Variants in ST3GAL1 observed in about 807,000 individuals in gnomAD.
ST3GAL1 encodes the protein CMP-N-acetylneuraminate-beta-galactosamide-alpha-2,3-sialyltransferase 1.
ST3GAL1 carries 16 observed loss-of-function variants against 34.1 expected under a neutral mutation model. The observed-to-expected ratio is 0.47, with a 90% confidence interval of 0.32 to 0.71. ST3GAL1 has a LOEUF of 0.71. Among genes scored for constraint, ST3GAL1 ranks in the 30% least tolerant of loss-of-function variants. The pLI is 0.04. For synonymous variants in ST3GAL1, 191 were observed against 184.7 expected (o/e 1.03, Z -0.28); for missense variants, 353 against 447.4 (o/e 0.79, Z 1.90).
chr8:133,538,386 G>A (rs563480817), intron 2 of ST3GAL1, among the ~76,000 whole-genome samples: 1 of 152,254 alleles, frequency 6.6e-6, no homozygotes, highest in South Asian at 2.1e-4. Flanking sequence ...GTGGTGGTGG[G>A]AGCCTGTAAT....
intron 2 of ST3GAL1, among the ~76,000 whole-genome samples, chr8:133,510,494 T>G (rs540871363): frequency 6.6e-6 from 1 of 152,198 alleles, no homozygotes; most frequent in Admixed American, 6.5e-5. Flanking sequence ...CGGGCAATTC[T>G]AAACCTGTGC....
At position 133,517,838 on chromosome 8, in the gene ST3GAL1, C is replaced by T. The variant is rs570921100; in HGVS notation, c.-428-18649G>A. ...CAACAAAACTTTGAATTAGGTGCAA[C>T]AATAATCAGAAAGTTTTACATAAAA... is the stretch of plus-strand genomic sequence containing the variant. On this transcript the variant is annotated intron_variant, in intron 2 of 9. Coordinates refer to ENST00000522652, the MANE Select transcript of ST3GAL1 (RefSeq NM_173344.3). Among the ~76,000 whole-genome samples the T allele has an allele frequency of 2.1e-4, 32 of 152,294 alleles. No homozygotes were observed. In the South Asian group the frequency reaches 5.4e-3, roughly 26 times the overall value.
At chr8:133,491,924 GC>G (rs1310327258) in intron 3 of ST3GAL1, among the ~76,000 whole-genome samples, 13 of 152,268 alleles carry the variant, frequency 8.5e-5, no homozygotes, top group African/African-American at 3.1e-4. Flanking sequence ...ATCAGAAAGG[GC>G]CCAGCAGTCA....
In ST3GAL1 at chr8:133,556,970, A is replaced by G. The variant is rs1231149241; in HGVS notation, c.-581-11044T>C. Among the ~76,000 whole-genome samples the G allele has an allele frequency of 6.6e-6, 1 of 152,148 alleles. No individual in the cohort carries two copies. Among genetic ancestry groups the G allele is most frequent in the Non-Finnish European group, 1.5e-5 (1 of 68,032 alleles). On this transcript the variant is annotated intron_variant, in intron 1 of 9. Transcript: ENST00000522652. This position sits in a 1 kb window ranked among gnomAD's most constrained non-coding sequence, Gnocchi z 8.9. ...TGATGTGCATGCATGTGTTAGAAGG[A>G]AACATTGTGACATGGTGGAAAGGGG...
chr8:133,535,045 G>C (rs374141841), intron 2 of ST3GAL1, among the ~76,000 whole-genome samples: 11 of 152,342 alleles, frequency 7.2e-5, no homozygotes, highest in African/African-American at 2.4e-4. Context: ...GCTGACGAGG[G>C]AGAAGCCCTG....
At chr8:133,510,501 G>A (rs1817473096) in intron 2 of ST3GAL1, among the ~76,000 whole-genome samples, 1 of 152,140 alleles carries the variant, frequency 6.6e-6, no homozygotes, top group South Asian at 2.1e-4. Context: ...TTCTAAACCT[G>A]TGCTAAAGCA....
Position 133,461,736 on chromosome 8 carries a change from TC to T in ST3GAL1, c.849+138del. 8.2e-7 allele frequency: 1 copy of T among 1,217,586 alleles called. No individual in the cohort carries two copies. The highest frequency in any genetic ancestry group is 1.2e-6 in the Non-Finnish European group (1 of 864,072). The allele number at this position is 1,217,586 out of a possible 1,614,324, so 75.4% of individuals were successfully genotyped here. ...CACCCTGGGAGACACATGTTGCAAGTCCTGTCGTAGAGACAGGGAATCCGAG... is the reference window on the plus strand; with the variant it reads ...CACCCTGGGAGACACATGTTGCAAGTCTGTCGTAGAGACAGGGAATCCGAG... On this transcript the variant is annotated intron_variant, in intron 9 of 9. Transcript: ENST00000522652. The surrounding 1 kb of genome is among the most constrained non-coding windows in gnomAD (Gnocchi z 4.7).
intron 1 of ST3GAL1, among the ~76,000 whole-genome samples, chr8:133,566,090 GC>G (rs1273844543): frequency 4.6e-5 from 7 of 152,136 alleles, no homozygotes; most frequent in Non-Finnish European, 1.0e-4. Flanking sequence ...ATCTTATGCT[GC>G]CCCCCACCTC....
At chr8:133,545,122 C>T (rs754683501) in intron 2 of ST3GAL1, among the ~76,000 whole-genome samples, 11 of 152,242 alleles carry the variant, frequency 7.2e-5, no homozygotes, top group Non-Finnish European at 1.5e-4. Context: ...CGTATTATTT[C>T]ATTTTAATTA....
intron 1 of ST3GAL1, among the ~76,000 whole-genome samples, chr8:133,548,366 C>T (rs1173400425): frequency 6.6e-6 from 1 of 152,188 alleles, no homozygotes; most frequent in Non-Finnish European, 1.5e-5. Context: ...AGTGTAAACA[C>T]CACTTCACAG....
intron 1 of ST3GAL1, among the ~76,000 whole-genome samples, chr8:133,558,260 T>C (rs16904951): frequency 0.055 from 8,304 of 152,250 alleles, 748 homozygotes; most frequent in African/African-American, 0.19. Context: ...CCACAGCATA[T>C]CTTTAACAAG....
intron 2 of ST3GAL1, among the ~76,000 whole-genome samples, chr8:133,524,762 C>T (rs966205991): frequency 6.6e-6 from 1 of 152,254 alleles, no homozygotes; most frequent in Non-Finnish European, 1.5e-5. Flanking sequence ...GCTTCTGCTG[C>T]AGGCACCCAT....
chr8:133,567,120 C>G (rs537790996), intron 1 of ST3GAL1: 1 of 152,352 alleles, frequency 6.6e-6, no homozygotes, highest in African/African-American at 2.4e-5. Flanking sequence ...ATCTCTAGAA[C>G]ACCCTTCTGT....
chr8:133,487,858 C>T (rs1816663301), intron 3 of ST3GAL1, among the ~76,000 whole-genome samples: 2 of 151,952 alleles, frequency 1.3e-5, no homozygotes, highest in Admixed American at 1.3e-4. Context: ...GTCCCAGCTA[C>T]TCAGGAGGCT....
chr8:133,487,603 C>T (rs1404193393), intron 3 of ST3GAL1, among the ~76,000 whole-genome samples: 1 of 152,238 alleles, frequency 6.6e-6, no homozygotes, highest in Non-Finnish European at 1.5e-5. Context: ...TTCATTCTTT[C>T]ATTTGACAAT....
intron 2 of ST3GAL1, among the ~76,000 whole-genome samples, chr8:133,538,961 G>A (rs560813230): frequency 1.2e-4 from 18 of 152,222 alleles, no homozygotes; most frequent in Non-Finnish European, 1.6e-4. Context: ...TTCATCATCC[G>A]TAAAAAAGGG....
At chr8:133,512,050 T>A (rs1817512510) in intron 2 of ST3GAL1, among the ~76,000 whole-genome samples, 1 of 152,096 alleles carries the variant, frequency 6.6e-6, no homozygotes, top group Non-Finnish European at 1.5e-5. Flanking sequence ...AGACTCTGTC[T>A]CAAAACAAAA....
At position 133,459,736 on chromosome 8, in the gene ST3GAL1, G is replaced by A. The variant is rs376638427; in HGVS notation, c.*28C>T. The A allele has an allele frequency of 3.5e-5, 56 of 1,583,216 alleles. No individual in the cohort carries two copies. In the African/African-American group the frequency reaches 7.0e-4, roughly 20 times the overall value. On this transcript the variant is annotated 3_prime_UTR_variant, in exon 10 of 10. Coordinates refer to ENST00000522652, the MANE Select transcript of ST3GAL1 (RefSeq NM_173344.3). The surrounding 1 kb of genome is among the most constrained non-coding windows in gnomAD (Gnocchi z 4.7). The stretch of plus-strand genomic sequence containing the variant: ...GGGCTGGAAATGCAGAGGTGTGACA[G>A]TGCGTCCATCCTCAGCCCTTCACTG...
chr8:133,465,128 G>A (rs1815687295), intron 6 of ST3GAL1, among the ~76,000 whole-genome samples, 171 bp from the exon 7 acceptor site: 1 of 152,166 alleles, frequency 6.6e-6, no homozygotes, highest in South Asian at 2.1e-4. Context: ...ATAGCTGGAA[G>A]GCTTCTGCTA....
Sources: gnomAD v4.1 joint callset for allele counts (sites outside exome capture counted in the v4.1 genomes callset) on GRCh38, gnomAD v4.1.1 for gene constraint, Gnocchi (gnomAD v3.1) non-coding constraint, MANE v1.5 for transcripts, NCBI Gene and HGNC (gene_info 2026-07-23, HGNC 2026-07-21) for gene names.